Variants in EPHB2 observed in about 807,000 individuals in gnomAD.
EPHB2 encodes ephrin type-B receptor 2.
In EPHB2, 18 loss-of-function variants were observed where a neutral mutation model predicts 96.4. The observed-to-expected ratio is 0.19, with a 90% CI of 0.13 to 0.28. The LOEUF is 0.28. EPHB2 is among the 10% of genes least tolerant of loss of function. The probability of loss-of-function intolerance (pLI) is 1.00; values close to 1 mark genes in which losing one functional copy is unlikely to be tolerated. For missense variants in EPHB2, 989 were observed against 1,355.4 expected, an observed-to-expected ratio of 0.73 and a Z score of 4.25; for synonymous variants, 506 against 534.1, an observed-to-expected ratio of 0.95 and a Z score of 0.72.
At chr1:22,738,675 G>C (rs538598556) in intron 1 of EPHB2, among the ~76,000 whole-genome samples, 1 of 152,190 alleles carries the variant, frequency 6.6e-6, no homozygotes, top group Admixed American at 6.5e-5. Flanking sequence ...TGGAGCCCAT[G>C]TGCTGTTATT....
At chr1:22,786,768 A>G (rs1315044431) in intron 3 of EPHB2, among the ~76,000 whole-genome samples, 1 of 152,222 alleles carries the variant, frequency 6.6e-6, no homozygotes, top group Non-Finnish European at 1.5e-5. Context: ...ATGGGAAGGA[A>G]GACAGGATGG....
chr1:22,762,738 G>A (rs1471959473), intron 1 of EPHB2, among the ~76,000 whole-genome samples: 1 of 152,168 alleles, frequency 6.6e-6, no homozygotes, highest in Non-Finnish European at 1.5e-5. Flanking sequence ...GCATGGGCAG[G>A]GACTTGACCA....
chr1:22,909,004 CCT>C lies in EPHB2; in HGVS notation c.2353-15_2353-14del, dbSNP rs1457453692. ...GGCCAGCCTCCCACCCACAAACCCT[CCT>C]CTTTCTGTCTCCCAGGGCGGAAAGA... On this transcript the variant is annotated splice_polypyrimidine_tract_variant and intron_variant, in intron 12 of 15. Transcript: ENST00000374630. 2.5e-6 allele frequency: 4 copies of C among 1,614,032 alleles called. No homozygotes were observed. Among genetic ancestry groups the C allele is most frequent in the Non-Finnish European group, 2.5e-6 (3 of 1,180,018 alleles).
At chr1:22,845,623 C>T (rs1193980917) in intron 3 of EPHB2, among the ~76,000 whole-genome samples, 1 of 152,150 alleles carries the variant, frequency 6.6e-6, no homozygotes, top group East Asian at 1.9e-4. Context: ...AACCAGGACT[C>T]CTCATTTTTA....
At chr1:22,888,096 G>A (rs988836350) in intron 6 of EPHB2, among the ~76,000 whole-genome samples, 2 of 152,132 alleles carry the variant, frequency 1.3e-5, no homozygotes, top group African/African-American at 4.8e-5. Context: ...GCCCAGGCTG[G>A]AGTGTCATGA....
chr1:22,735,553 G>A (rs944000405), intron 1 of EPHB2, among the ~76,000 whole-genome samples: 2 of 152,170 alleles, frequency 1.3e-5, no homozygotes, highest in Non-Finnish European at 2.9e-5. Context: ...CCAGGCCTGA[G>A]AGCAGGAACA....
intron 1 of EPHB2, among the ~76,000 whole-genome samples, chr1:22,751,094 G>A (rs1644055374): frequency 6.6e-6 from 1 of 152,216 alleles, no homozygotes; most frequent in Non-Finnish European, 1.5e-5. Context: ...TGGTTGTGTG[G>A]AAATAGCCAA....
At chr1:22,736,741 G>A (rs999578769) in intron 1 of EPHB2, among the ~76,000 whole-genome samples, 3 of 152,242 alleles carry the variant, frequency 2.0e-5, no homozygotes, top group South Asian at 4.1e-4. Flanking sequence ...CTGCAATGGG[G>A]CTTTCTTGTC....
intron 1 of EPHB2, among the ~76,000 whole-genome samples, chr1:22,754,607 C>T (rs1217242578): frequency 6.6e-6 from 1 of 151,166 alleles, no homozygotes; most frequent in Non-Finnish European, 1.5e-5. Context: ...GCAGCTGGGG[C>T]TCGATCCCCC....
intron 3 of EPHB2, among the ~76,000 whole-genome samples, chr1:22,815,535 G>A (rs1266809654): frequency 1.3e-5 from 2 of 152,234 alleles, no homozygotes; most frequent in African/African-American, 4.8e-5. Flanking sequence ...CGTGTTGGGT[G>A]CAGCCAGCCC....
intron 1 of EPHB2, among the ~76,000 whole-genome samples, chr1:22,731,629 G>A (rs896614750): frequency 1.3e-4 from 20 of 152,168 alleles, no homozygotes; most frequent in Admixed American, 3.3e-4. Flanking sequence ...CACGAGGTCA[G>A]GAGTTCAAGA....
chr1:22,774,304 C>T (rs929958620), intron 1 of EPHB2, among the ~76,000 whole-genome samples: 3 of 152,156 alleles, frequency 2.0e-5, no homozygotes, highest in Non-Finnish European at 4.4e-5. Context: ...GAGGGAAGGG[C>T]CTGCTGATCT....
rs147147271 is a variant in EPHB2, at chr1:22,865,043, T to G, written c.1134T>G (p.Asn378Lys). ...GRGACTRCGD[N>K]VQYAPRQLGL... ...GTGCCTGCACCCGCTGCGGGGACAATGTACAGTACGCACCACGCCAGCTAG... is the reference window on the plus strand; with the variant it reads ...GTGCCTGCACCCGCTGCGGGGACAAGGTACAGTACGCACCACGCCAGCTAG... The change falls in exon 5 of 16, where the codon AAT becomes AAG. Residue 378 changes from asparagine (N) to lysine (K), a missense_variant. Asn to Lys is a moderately conservative substitution (Grantham distance 94, BLOSUM62 0). Coordinates refer to ENST00000374630, the MANE Select transcript of EPHB2 (RefSeq NM_017449.5). 2.6e-5 allele frequency: 42 copies of G among 1,613,954 alleles called. No homozygotes were observed. The African/African-American group carries it at 4.9e-4, about 19-fold the overall frequency.
At chr1:22,754,625 G>T (rs1186992970) in intron 1 of EPHB2, among the ~76,000 whole-genome samples, 1 of 151,130 alleles carries the variant, frequency 6.6e-6, no homozygotes, top group Non-Finnish European at 1.5e-5. Flanking sequence ...CCCAGGCCTG[G>T]TACGGGGCCA....
rs557260039 is a variant in EPHB2 at position 22,781,494 on chromosome 1, G to A, written c.126+9G>A. The A allele has an allele frequency of 6.2e-7, 1 of 1,613,880 alleles. No individual in the cohort carries two copies. Among genetic ancestry groups the A allele is most frequent in the African/African-American group, 1.3e-5 (1 of 74,962 alleles). ...TGCATCCTCCATCAGGGGTGAGTCAGTGGTCCCCAAACCTTGCATTGGTCC... is the reference window on the plus strand; with the variant it reads ...TGCATCCTCCATCAGGGGTGAGTCAATGGTCCCCAAACCTTGCATTGGTCC... On this transcript the variant is annotated intron_variant, in intron 2 of 15. Coordinates refer to ENST00000374630, the MANE Select transcript of EPHB2 (RefSeq NM_017449.5).
At chr1:22,894,986 A>T (rs1368711196) in intron 7 of EPHB2, among the ~76,000 whole-genome samples, 9 of 152,224 alleles carry the variant, frequency 5.9e-5, no homozygotes, top group Non-Finnish European at 1.3e-4. Context: ...CAATCCTGAG[A>T]TAGGAAATAT....
At chr1:22,723,912 T>C (rs1643525836) in intron 1 of EPHB2, among the ~76,000 whole-genome samples, 2 of 152,236 alleles carry the variant, frequency 1.3e-5, no homozygotes, top group Admixed American at 6.5e-5. Context: ...ATTAAGGACT[T>C]GCTAAGGAGC....
intron 1 of EPHB2, among the ~76,000 whole-genome samples, chr1:22,777,663 G>A (rs181047023): frequency 2.0e-4 from 30 of 152,320 alleles, no homozygotes; most frequent in African/African-American, 6.0e-4. Flanking sequence ...GGACTGGGAC[G>A]GGCTCCATGG....
chr1:22,830,194 C>T (rs1291246533), intron 3 of EPHB2, among the ~76,000 whole-genome samples: 1 of 152,184 alleles, frequency 6.6e-6, no homozygotes, highest in African/African-American at 2.4e-5. Context: ...GCGGGAATTC[C>T]AGGGCTGCAC....
Sources: gnomAD v4.1 joint callset for allele counts (sites outside exome capture counted in the v4.1 genomes callset) on GRCh38, gnomAD v4.1.1 for gene constraint, MANE v1.5 for transcripts, NCBI Gene and HGNC (gene_info 2026-07-23, HGNC 2026-07-21) for gene names.